The following SACM1L variants were observed in gnomAD, a reference collection of about 807,000 sequenced individuals.
SACM1L encodes the protein phosphatidylinositol-3-phosphatase SAC1.
In SACM1L, 32 loss-of-function variants were observed where a neutral mutation model predicts 89.5. That is an observed-to-expected ratio of 0.36 (90% CI 0.27 to 0.48). The LOEUF (loss-of-function observed/expected upper bound fraction) is 0.48, where lower values mean the gene tolerates loss of function less well. SACM1L is among the 20% of genes least tolerant of loss of function. The pLI is 0.99. For synonymous variants in SACM1L, 213 were observed against 232.8 expected, an observed-to-expected ratio of 0.92 and a Z score of 0.77; for missense variants, 543 against 708.5, an observed-to-expected ratio of 0.77 and a Z score of 2.65.
rs141307180 is a variant in SACM1L, at chr3:45,705,176, T to C, written c.172T>C (p.Phe58Leu). 8 of 1,611,676 alleles carry C rather than the reference T, an allele frequency of 5.0e-6. No homozygotes were observed. In the African/African-American group the frequency reaches 1.1e-4, roughly 22 times the overall value. ...TCCTTCAGCTGTCACAAGACCAATA[T>C]TTGGTATACTGGGCACAATCCATCT... ...VPPSAVTRPI[F>L]GILGTIHLVA... Residue 58 changes from phenylalanine to leucine, a missense_variant, in exon 3 of 20, where the codon TTT becomes CTT. Phe to Leu is a conservative substitution (Grantham distance 22). Transcript: ENST00000389061.
At chr3:45,732,613 A>G (rs1396941799) in intron 13 of SACM1L, among the ~76,000 whole-genome samples, 1 of 152,144 alleles carries the variant, frequency 6.6e-6, no homozygotes, top group African/African-American at 2.4e-5. Context: ...TCCTCTTTCT[A>G]TCATGAAAGA....
At chr3:45,701,351 C>T (rs1473181114) in intron 1 of SACM1L, among the ~76,000 whole-genome samples, 1 of 152,178 alleles carries the variant, frequency 6.6e-6, no homozygotes, top group African/African-American at 2.4e-5. Context: ...ACTGAAATTC[C>T]TGGCTCAGCT....
intron 10 of SACM1L, among the ~76,000 whole-genome samples, chr3:45,723,264 G>A (rs908779736): frequency 6.6e-6 from 1 of 152,130 alleles, no homozygotes; most frequent in Non-Finnish European, 1.5e-5. Flanking sequence ...CAGAATTAAA[G>A]TGGTAGTGTT....
In SACM1L at chr3:45,744,996, T is replaced by C. The variant is rs2125709769; in HGVS notation, c.*1327T>C. On this transcript the variant is annotated 3_prime_UTR_variant, in exon 20 of 20. Coordinates refer to ENST00000389061, the MANE Select transcript of SACM1L (RefSeq NM_014016.5). ...ATTACCTTTTTTTCATCACTATCTT[T>C]TATAAAACATTAATATAAGTCGTTA... is the stretch of plus-strand genomic sequence containing the variant. 6.6e-6 allele frequency: 1 copy of C among 152,300 alleles called. No homozygotes were observed. Among genetic ancestry groups the C allele is most frequent in the Non-Finnish European group, 1.5e-5 (1 of 68,038 alleles). The allele number at this position is 152,300 out of a possible 1,614,324, so 9.4% of individuals were successfully genotyped here.
In SACM1L at chr3:45,701,216, A is replaced by C. The variant is rs1173836001; in HGVS notation, c.33-2222A>C. On this transcript the variant is annotated intron_variant, in intron 1 of 19. Coordinates refer to ENST00000389061, the MANE Select transcript of SACM1L (RefSeq NM_014016.5). ...CAATGTATCTGTGCCAGCCTACCAA[A>C]GGATGATGTCTTCAAATTGTAGTAA... is the stretch of plus-strand genomic sequence containing the variant. Among the ~76,000 whole-genome samples the C allele has an allele frequency of 2.6e-5, 4 of 152,316 alleles. No individual in the cohort carries two copies. The East Asian group carries it at 7.7e-4, about 29-fold the overall frequency.
At chr3:45,694,755 GCATA>G (rs1217019029) in intron 1 of SACM1L, among the ~76,000 whole-genome samples, 1 of 152,184 alleles carries the variant, frequency 6.6e-6, no homozygotes, top group Non-Finnish European at 1.5e-5. Context: ...TTAGGGCTGG[GCATA>G]CATAGCTGAG....
At chr3:45,730,865 C>T (rs1048600660) in intron 11 of SACM1L, among the ~76,000 whole-genome samples, 1 of 152,146 alleles carries the variant, frequency 6.6e-6, no homozygotes, top group African/African-American at 2.4e-5. Context: ...ATTTTTACTG[C>T]CCGTGTTCAG....
At chr3:45,701,660 G>A (rs758407281) in intron 1 of SACM1L, among the ~76,000 whole-genome samples, 1 of 152,178 alleles carries the variant, frequency 6.6e-6, no homozygotes, top group Non-Finnish European at 1.5e-5. Context: ...AAAGGGAAGT[G>A]TACAGTTTGA....
At chr3:45,690,736 C>T (rs976535390) in intron 1 of SACM1L, among the ~76,000 whole-genome samples, 1 of 152,124 alleles carries the variant, frequency 6.6e-6, no homozygotes, top group Non-Finnish European at 1.5e-5. Context: ...TTCCTCTCCA[C>T]CTTTCCCTAT....
chr3:45,702,128 C>T (rs80159083), intron 1 of SACM1L, among the ~76,000 whole-genome samples: 1 of 152,238 alleles, frequency 6.6e-6, no homozygotes, highest in African/African-American at 2.4e-5. Flanking sequence ...AGGAAACTAG[C>T]CTAATATTTA....
In SACM1L at chr3:45,726,972, G is replaced by A. The variant is rs868860487; in HGVS notation, c.921+3429G>A. On this transcript the variant is annotated intron_variant, in intron 11 of 19. Coordinates refer to ENST00000389061, the MANE Select transcript of SACM1L (RefSeq NM_014016.5). ...GCAATCTCGGCTCACTGCAAGCTCC[G>A]CTTCCCGGGTTCACGCCATTCTCCT... is the stretch of plus-strand genomic sequence containing the variant. Among the ~76,000 whole-genome samples the A allele has an allele frequency of 5.5e-4, 37 of 66,836 alleles. 13 individuals carry two copies. In the Middle Eastern group the frequency reaches 0.059, roughly 106 times the overall value. 43.8% of individuals were successfully genotyped at this position (66,836 alleles called of 152,430 possible). A position where few individuals can be genotyped will look rare whatever the true frequency, so the allele number is the denominator to read the frequency against.
intron 1 of SACM1L, among the ~76,000 whole-genome samples, chr3:45,691,726 C>T (rs951878675): frequency 6.6e-6 from 1 of 152,100 alleles, no homozygotes; most frequent in Non-Finnish European, 1.5e-5. Context: ...GCGAGCCTCC[C>T]ACCTCAGCCT....
chr3:45,718,790 A>G (rs1205756155), intron 7 of SACM1L, among the ~76,000 whole-genome samples: 1 of 152,152 alleles, frequency 6.6e-6, no homozygotes, highest in Non-Finnish European at 1.5e-5. Context: ...TGAAGTGGAG[A>G]GATCAGCCTT....
At chr3:45,739,082 T>C (rs552015727) in intron 18 of SACM1L, among the ~76,000 whole-genome samples, 1 of 152,336 alleles carries the variant, frequency 6.6e-6, no homozygotes, top group South Asian at 2.1e-4. Context: ...CACATCCTTT[T>C]CATGTGAAGT....
At chr3:45,720,712 C>T (rs1043174584) in intron 8 of SACM1L, among the ~76,000 whole-genome samples, 5 of 152,048 alleles carry the variant, frequency 3.3e-5, no homozygotes, top group African/African-American at 4.8e-5. Context: ...GTGGGAATTA[C>T]GAAGGGAAGC....
chr3:45,732,951 C>A (rs966333329), intron 13 of SACM1L, among the ~76,000 whole-genome samples: 4 of 152,150 alleles, frequency 2.6e-5, no homozygotes, highest in Non-Finnish European at 5.9e-5. Flanking sequence ...TCAAAAATAT[C>A]TTTTTATATA....
rs751241929 is a variant in SACM1L at position 45,721,983 on chromosome 3, AT to A, written c.680-9del. On this transcript the variant is annotated splice_polypyrimidine_tract_variant and intron_variant, in intron 8 of 19. Transcript: ENST00000389061. ...GTGTAATCAGTATAGTTAATTCTTA[AT>A]TTTTTTTCTATTTAGGAATTGATTC... The A allele has an allele frequency of 2.3e-5, 36 of 1,566,364 alleles. No homozygotes were observed. The highest frequency in any genetic ancestry group is 3.3e-4 in the Middle Eastern group (2 of 5,996).
chr3:45,734,437 ATATTT>A (rs1559551337), intron 13 of SACM1L, among the ~76,000 whole-genome samples: 1 of 151,758 alleles, frequency 6.6e-6, no homozygotes, highest in Non-Finnish European at 1.5e-5. Flanking sequence ...AAGAAAAAAA[ATATTT>A]TTAAGTATTT....
chr3:45,692,354 TCA>T (rs1698016156), intron 1 of SACM1L, among the ~76,000 whole-genome samples: 1 of 151,350 alleles, frequency 6.6e-6, no homozygotes, highest in African/African-American at 2.4e-5. Context: ...AGACAGGGTC[TCA>T]CTTGTCACCC....
Sources: allele counts gnomAD v4.1 joint callset (sites outside exome capture counted in the v4.1 genomes callset), GRCh38; gene constraint gnomAD v4.1.1; transcripts MANE v1.5; gene names NCBI Gene and HGNC (gene_info 2026-07-23, HGNC 2026-07-21).